WWP2: variants seen among roughly 807,000 people sequenced by gnomAD.
WWP2 encodes NEDD4-like E3 ubiquitin-protein ligase WWP2.
Under a neutral mutation model 121.0 loss-of-function variants are expected in WWP2, and 57 were observed. The ratio of observed to expected loss-of-function variants is 0.47; its 90% confidence interval spans 0.38 to 0.59. The LOEUF is 0.59. WWP2 is among the 20% of genes least tolerant of loss of function. The probability of loss-of-function intolerance (pLI) is 0.00; values close to 1 mark genes in which losing one functional copy is unlikely to be tolerated. For synonymous variants in WWP2, 449 were observed against 441.3 expected, an observed-to-expected ratio of 1.02 and a Z score of -0.22; for missense variants, 962 against 1,158.9, an observed-to-expected ratio of 0.83 and a Z score of 2.47.
At chr16:69,786,494 C>G (rs1243783495) in intron 1 of WWP2, among the ~76,000 whole-genome samples, 5 of 146,286 alleles carry the variant, frequency 3.4e-5, no homozygotes, top group African/African-American at 1.3e-4. Flanking sequence ...TCTTGTCACC[C>G]AGGCTGCAGT....
chr16:69,835,895 C>T (rs1375205898), intron 4 of WWP2, among the ~76,000 whole-genome samples: 2 of 151,846 alleles, frequency 1.3e-5, no homozygotes, highest in South Asian at 2.1e-4. Context: ...CTCCGCCTGC[C>T]GTGTTTAAGT....
intron 5 of WWP2, 58 bp downstream of exon 5, chr16:69,840,321 C>G: frequency 6.2e-7 from 1 of 1,603,674 alleles, no homozygotes. Flanking sequence ...TGGGCGGGGG[C>G]CAGGAGGTGC....
intron 1 of WWP2, among the ~76,000 whole-genome samples, chr16:69,768,812 C>G (rs925489057): frequency 6.6e-6 from 1 of 152,142 alleles, no homozygotes; most frequent in Non-Finnish European, 1.5e-5. Flanking sequence ...CCCGTTTTCT[C>G]TTTTTCCGTG....
chr16:69,798,145 A>G (rs1211988380), intron 2 of WWP2, among the ~76,000 whole-genome samples: 2 of 152,306 alleles, frequency 1.3e-5, no homozygotes, highest in African/African-American at 4.8e-5. Flanking sequence ...GGGAGGCTAC[A>G]TGGGTTTACC....
intron 8 of WWP2, chr16:69,894,943 T>C (rs10852461): frequency 0.64 from 96,997 of 152,122 alleles, 31,680 homozygotes; most frequent in East Asian, 0.9. Context: ...GCCGACTTAC[T>C]TCAGCTCTGC....
rs2055804989 is a variant in WWP2 at position 69,786,901 on chromosome 16, GC to G, written c.-15-93del. 2.7e-6 allele frequency: 3 copies of G among 1,098,804 alleles called. No individual in the cohort carries two copies. The South Asian group carries it at 4.8e-5, about 17-fold the overall frequency. The allele number at this position is 1,098,804 out of a possible 1,614,324, so 68.1% of individuals were successfully genotyped here. Reference sequence around the variant, plus strand: ...GTTGCTTGGACGTTTCTATTTTCTTGCCTGTTTCTTTAAGCTTAAATATTGA... The same window carrying G: ...GTTGCTTGGACGTTTCTATTTTCTTGCTGTTTCTTTAAGCTTAAATATTGA... On this transcript the variant is annotated intron_variant, in intron 1 of 23. Coordinates refer to ENST00000359154, the MANE Select transcript of WWP2 (RefSeq NM_001270454.2).
intron 4 of WWP2, 141 bp from the exon 5 acceptor site, chr16:69,839,985 G>A (rs2056945365): frequency 8.2e-7 from 1 of 1,214,094 alleles, no homozygotes; most frequent in Middle Eastern, 2.3e-4. Context: ...TTTTTTCCAT[G>A]CCACGAGGCA....
chr16:69,886,450 A>C (rs1205094533), intron 7 of WWP2, among the ~76,000 whole-genome samples: 1 of 151,510 alleles, frequency 6.6e-6, no homozygotes, highest in African/African-American at 2.4e-5. Context: ...CCTCACATGA[A>C]GAAAAAAAAA....
intron 1 of WWP2, among the ~76,000 whole-genome samples, chr16:69,768,348 C>T (rs1386587658): frequency 2.6e-5 from 4 of 152,128 alleles, no homozygotes; most frequent in East Asian, 1.9e-4. Flanking sequence ...GTGGCTCACA[C>T]CTATAATCCC....
At chr16:69,838,699 T>C in intron 4 of WWP2, 1 of 984,786 alleles carries the variant, frequency 1.0e-6, no homozygotes, top group Non-Finnish European at 1.2e-6. Context: ...CTCCTTGGCT[T>C]TTGAAGGAAC....
In WWP2 at chr16:69,796,928, A is replaced by G. The variant is rs376430499; in HGVS notation, c.71-1754A>G. On this transcript the variant is annotated intron_variant, in intron 2 of 23. Coordinates refer to ENST00000359154, the MANE Select transcript of WWP2 (RefSeq NM_001270454.2). ...GAATTTGGCCTTTGCCAAGTTGTAG[A>G]CACCATTGTAGGACTGTCACCTTTC... Among the ~76,000 whole-genome samples the G allele has an allele frequency of 5.3e-5, 8 of 152,354 alleles. No homozygotes were observed. The East Asian group carries it at 1.5e-3, about 29-fold the overall frequency.
intron 8 of WWP2, among the ~76,000 whole-genome samples, chr16:69,893,908 C>T (rs1000019091): frequency 1.3e-5 from 2 of 152,142 alleles, no homozygotes; most frequent in South Asian, 4.1e-4. Flanking sequence ...CTGTGCAGCA[C>T]GGCTCCTCTT....
At chr16:69,855,810 G>C (rs2057299960) in intron 6 of WWP2, among the ~76,000 whole-genome samples, 1 of 152,240 alleles carries the variant, frequency 6.6e-6, no homozygotes, top group Admixed American at 6.5e-5. Context: ...AGGAAGAGAT[G>C]ACACTGGTAA....
chr16:69,922,958 C>G (rs976266202), intron 10 of WWP2, among the ~76,000 whole-genome samples: 1 of 151,866 alleles, frequency 6.6e-6, no homozygotes, highest in Non-Finnish European at 1.5e-5. Flanking sequence ...GGCGCAATCT[C>G]GGCTCACTGC....
In WWP2 at chr16:69,935,638, G is replaced by GGT. The variant is rs1407196440; in HGVS notation, c.1843-214_1843-213insTG. Among the ~76,000 whole-genome samples, 1 of 152,242 alleles carries GGT rather than the reference G, an allele frequency of 6.6e-6. No homozygotes were observed. The highest frequency in any genetic ancestry group is 2.4e-5 in the African/African-American group (1 of 41,472). On this transcript the variant is annotated intron_variant, in intron 17 of 23. Transcript: ENST00000359154. This position sits in a 1 kb window ranked among gnomAD's most constrained non-coding sequence, Gnocchi z 5.2. ...CTCTGCCCAGTCCTTGCGGTCTGCAGGGCAGGGTGGGAGTCCCTCTGTAGG... is the reference window on the plus strand; with the variant it reads ...CTCTGCCCAGTCCTTGCGGTCTGCAGGTGGCAGGGTGGGAGTCCCTCTGTAGG...
intron 7 of WWP2, among the ~76,000 whole-genome samples, chr16:69,877,887 A>C (rs1286463522): frequency 6.6e-6 from 1 of 152,074 alleles, no homozygotes; most frequent in Non-Finnish European, 1.5e-5. Context: ...GGCTCACTGC[A>C]ACCTCCGCCT....
chr16:69,845,229 C>T (rs1358620683), intron 6 of WWP2, among the ~76,000 whole-genome samples: 3 of 152,056 alleles, frequency 2.0e-5, no homozygotes, highest in Admixed American at 6.6e-5. Context: ...CCTTACACAA[C>T]GGGAGCACTC....
intron 8 of WWP2, among the ~76,000 whole-genome samples, chr16:69,901,499 G>A (rs2058204466): frequency 6.6e-6 from 1 of 152,104 alleles, no homozygotes; most frequent in African/African-American, 2.4e-5. Context: ...TGCAAGCTCT[G>A]CCTCCCGGGT....
chr16:69,778,554 T>A (rs2055590978), intron 1 of WWP2, among the ~76,000 whole-genome samples: 1 of 152,094 alleles, frequency 6.6e-6, no homozygotes, highest in Admixed American at 6.6e-5. Flanking sequence ...TTGGACCTAA[T>A]ACGCATTAGG....
Sources: gnomAD v4.1 joint callset for allele counts (sites outside exome capture counted in the v4.1 genomes callset) on GRCh38, gnomAD v4.1.1 for gene constraint, Gnocchi (gnomAD v3.1) non-coding constraint, MANE v1.5 for transcripts, NCBI Gene and HGNC (gene_info 2026-07-23, HGNC 2026-07-21) for gene names.